MED12L: variants seen among roughly 807,000 people sequenced by gnomAD.
The protein encoded by MED12L is mediator of RNA polymerase II transcription subunit 12-like protein.
A neutral mutation model predicts 281.3 loss-of-function variants in MED12L; 60 were observed. The observed-to-expected ratio is 0.21, with a 90% confidence interval of 0.17 to 0.26. The LOEUF (loss-of-function observed/expected upper bound fraction) is 0.26. Ranked by LOEUF, MED12L falls within the 10% of genes least tolerant of loss-of-function variation. MED12L has a pLI of 1.00. For synonymous variants in MED12L, 974 were observed against 987.2 expected (o/e 0.99, Z 0.25); for missense variants, 2,146 against 2,680.9 (o/e 0.80, Z 4.41).
At chr3:151,373,501 A>T (rs553612375) in intron 27 of MED12L, among the ~76,000 whole-genome samples, 2 of 151,606 alleles carry the variant, frequency 1.3e-5, no homozygotes, top group South Asian at 4.2e-4. Flanking sequence ...CACCCCTCAT[A>T]AGCATTCATT....
chr3:151,141,178 G>GTTTTTTTGTTTTTTTT (rs1553808457), intron 5 of MED12L, among the ~76,000 whole-genome samples: 1 of 102,190 alleles, frequency 9.8e-6, no homozygotes, highest in Non-Finnish European at 1.9e-5. Context: ...TTTTTTTTTT[G>GTTTTTTTGTTTTTTTT]TTTTTTTTGT....
At chr3:151,206,432 T>C (rs571811678) in intron 16 of MED12L, among the ~76,000 whole-genome samples, 1 of 152,120 alleles carries the variant, frequency 6.6e-6, no homozygotes, top group African/African-American at 2.4e-5. Flanking sequence ...TTTGTTGATG[T>C]TATTGCGTCA....
chr3:151,193,357 A>G, intron 15 of MED12L, 133 bp from the exon 16 acceptor site: 2 of 624,004 alleles, frequency 3.2e-6, no homozygotes, highest in Non-Finnish European at 5.5e-6. Flanking sequence ...CAATTTCTTC[A>G]TATTTTTTTG....
chr3:151,282,299 A>G (rs1377174905), intron 16 of MED12L, among the ~76,000 whole-genome samples: 2 of 152,168 alleles, frequency 1.3e-5, no homozygotes, highest in Non-Finnish European at 2.9e-5. Flanking sequence ...GAACATTTTC[A>G]ATGAATTTAT....
chr3:151,405,579 G>T (rs969551387), intron 39 of MED12L, among the ~76,000 whole-genome samples: 1 of 152,164 alleles, frequency 6.6e-6, no homozygotes, highest in African/African-American at 2.4e-5. Context: ...TGAGGCCGCA[G>T]TGAAGTATGA....
At chr3:151,178,181 A>AAAAAAAAT in intron 11 of MED12L, among the ~76,000 whole-genome samples, 1 of 149,438 alleles carries the variant, frequency 6.7e-6, no homozygotes, top group African/African-American at 2.5e-5. Flanking sequence ...AAAAAAAAAA[A>AAAAAAAAT]AAAGAAAGTG....
chr3:151,431,895 G>A (rs59075258), intron 44 of MED12L, among the ~76,000 whole-genome samples: 19,827 of 152,162 alleles, frequency 0.13, 1,657 homozygotes, highest in East Asian at 0.4. Context: ...AGATGAGGAA[G>A]CAACTGAAGA....
intron 16 of MED12L, among the ~76,000 whole-genome samples, chr3:151,346,935 T>C (rs1752621386): frequency 6.6e-6 from 1 of 152,190 alleles, no homozygotes; most frequent in Non-Finnish European, 1.5e-5. Context: ...TTATACATTG[T>C]AAATAGATTA....
chr3:151,147,127 A>G (rs1000357273), intron 5 of MED12L, among the ~76,000 whole-genome samples: 4 of 152,122 alleles, frequency 2.6e-5, no homozygotes, highest in African/African-American at 9.7e-5. Flanking sequence ...GTATATAATA[A>G]CACCCATTTA....
At chr3:151,186,303 T>C (rs966011927) in intron 12 of MED12L, among the ~76,000 whole-genome samples, 4 of 152,160 alleles carry the variant, frequency 2.6e-5, no homozygotes, top group African/African-American at 9.7e-5. Context: ...CCTGGCAACT[T>C]TGAGGCATCT....
intron 5 of MED12L, among the ~76,000 whole-genome samples, chr3:151,130,869 C>T (rs1422176859): frequency 6.6e-6 from 1 of 152,204 alleles, no homozygotes; most frequent in Non-Finnish European, 1.5e-5. Context: ...TTTTGATCAT[C>T]TGTCTACATC....
At chr3:151,175,951 T>G (rs923367075) in intron 11 of MED12L, among the ~76,000 whole-genome samples, 17 of 152,328 alleles carry the variant, frequency 1.1e-4, no homozygotes, top group African/African-American at 4.1e-4. Context: ...TTGAAGGACC[T>G]TATTGATTTT....
chr3:151,312,032 A>T (rs1247492628), intron 16 of MED12L, among the ~76,000 whole-genome samples: 1 of 101,872 alleles, frequency 9.8e-6, no homozygotes. Context: ...ACAAAGCGAG[A>T]CTCCGTCTCA....
In MED12L at chr3:151,379,942, A is replaced by G. The variant is rs531256067; in HGVS notation, c.4479-171A>G. On this transcript the variant is annotated intron_variant, in intron 31 of 44. Coordinates refer to ENST00000687756, the MANE Select transcript of MED12L (RefSeq NM_001393769.1). ...GCATACGAAGTGATTTAGAAGCATT[A>G]CAGTGGCTTTTAATTTTATAAGTAG... 1.9e-4 allele frequency among the ~76,000 whole-genome samples: 29 copies of G among 152,320 alleles called. No homozygotes were observed. The South Asian group carries it at 3.7e-3, about 20-fold the overall frequency.
chr3:151,188,655 T>TA (rs1307070235), intron 13 of MED12L, among the ~76,000 whole-genome samples, 175 bp downstream of exon 13: 2 of 152,370 alleles, frequency 1.3e-5, no homozygotes, highest in Non-Finnish European at 2.9e-5. Context: ...TAGGCAATTT[T>TA]AAAATCAGTC....
intron 5 of MED12L, among the ~76,000 whole-genome samples, chr3:151,130,794 T>G (rs1453581852): frequency 6.6e-6 from 1 of 152,242 alleles, no homozygotes; most frequent in East Asian, 1.9e-4. Context: ...TGTTACTGTC[T>G]TCTTATTCTG....
chr3:151,108,590 C>G (rs1225560340), intron 2 of MED12L, among the ~76,000 whole-genome samples: 3 of 152,114 alleles, frequency 2.0e-5, no homozygotes, highest in African/African-American at 7.2e-5. Context: ...AAGACTTGAG[C>G]TAACTCAGCC....
chr3:151,380,383 G>A (rs1712048770), intron 32 of MED12L, among the ~76,000 whole-genome samples, 159 bp downstream of exon 32: 1 of 152,098 alleles, frequency 6.6e-6, no homozygotes, highest in Non-Finnish European at 1.5e-5. Context: ...GATCACCTGA[G>A]GCCAGGAGTT....
At chr3:151,181,810 T>G (rs1266769753) in intron 11 of MED12L, among the ~76,000 whole-genome samples, 1 of 152,176 alleles carries the variant, frequency 6.6e-6, no homozygotes, top group Middle Eastern at 3.4e-3. Flanking sequence ...GGTCTTGAAC[T>G]CCTAACCTCA....
Sources: gnomAD v4.1 joint callset for allele counts (sites outside exome capture counted in the v4.1 genomes callset) on GRCh38, gnomAD v4.1.1 for gene constraint, MANE v1.5 for transcripts, NCBI Gene and HGNC (gene_info 2026-07-23, HGNC 2026-07-21) for gene names.